NUFIP2: variants seen among roughly 807,000 people sequenced by gnomAD.
NUFIP2 encodes the protein nuclear FMR1 interacting protein 2.
A neutral mutation model predicts 56.9 loss-of-function variants in NUFIP2; 6 were observed. The ratio of observed to expected loss-of-function variants is 0.11; its 90% CI spans 0.06 to 0.21. The LOEUF is 0.21. Among genes scored for constraint, NUFIP2 ranks in the 10% least tolerant of loss-of-function variants. The probability of loss-of-function intolerance (pLI) is 1.00; values close to 1 mark genes in which losing one functional copy is unlikely to be tolerated. For missense variants in NUFIP2, 828 were observed against 826.8 expected (o/e 1.00, Z -0.02); for synonymous variants, 321 against 298.2 (o/e 1.08, Z -0.79).
At position 29,261,627 on chromosome 17, in the gene NUFIP2, C is replaced by A. The variant is rs1032724128; in HGVS notation, c.*2912G>T. On this transcript the variant is annotated 3_prime_UTR_variant, in exon 4 of 4. Transcript: ENST00000225388. ...TACACAAAATAATCAGAAAACAGAT[C>A]AACTCTTAAGATTTTTTTTTAATAA... is the stretch of plus-strand genomic sequence containing the variant. 1.3e-5 allele frequency: 2 copies of A among 152,434 alleles called. No homozygotes were observed. Among genetic ancestry groups the A allele is most frequent in the Admixed American group, 1.3e-4 (2 of 15,268 alleles). 9.4% of individuals were successfully genotyped at this position (152,434 alleles called of 1,614,324 possible). A position where few individuals can be genotyped will look rare whatever the true frequency, so the allele number is the denominator to read the frequency against.
intron 2 of NUFIP2, among the ~76,000 whole-genome samples, chr17:29,280,544 T>C (rs554463609): frequency 2.6e-5 from 4 of 151,928 alleles, no homozygotes; most frequent in African/African-American, 9.7e-5. Flanking sequence ...CCAGACAACA[T>C]GGGTGGTAGC....
chr17:29,282,028 C>T (rs144555464), intron 2 of NUFIP2, among the ~76,000 whole-genome samples: 414 of 151,948 alleles, frequency 2.7e-3, no homozygotes, highest in African/African-American at 9.4e-3. Context: ...TCCCAAAGTG[C>T]TGGGATTACA....
intron 2 of NUFIP2, among the ~76,000 whole-genome samples, chr17:29,284,671 ACTCCAGCC>A (rs1349798207): frequency 7.3e-6 from 1 of 136,400 alleles, no homozygotes. Flanking sequence ...GCGCCACTGC[ACTCCAGCC>A]TGGGTGACAA....
rs145854828 is a variant in NUFIP2 at position 29,280,080 on chromosome 17, C to T, written c.2002+5912G>A. Among the ~76,000 whole-genome samples the T allele has an allele frequency of 1.1e-3, 165 of 152,266 alleles. 1 individual carries two copies. The highest frequency in any genetic ancestry group is 9.3e-3 in the East Asian group (48 of 5,186). ...TGATCCACCCGCCTCAGCCTCCCAA[C>T]GTGCTGGGATTACAAGTGTGAGCCA... is the stretch of plus-strand genomic sequence containing the variant. On this transcript the variant is annotated intron_variant, in intron 2 of 3. Coordinates refer to ENST00000225388, the MANE Select transcript of NUFIP2 (RefSeq NM_020772.3).
chr17:29,263,274 C>T lies in NUFIP2; in HGVS notation c.*1265G>A, dbSNP rs1183636504. The stretch of plus-strand genomic sequence containing the variant: ...ACAGGATGGCAATGTAATGATAAGA[C>T]AGGGCTAATGCTCTTCTCTGCCCCA... On this transcript the variant is annotated 3_prime_UTR_variant, in exon 4 of 4. Coordinates refer to ENST00000225388, the MANE Select transcript of NUFIP2 (RefSeq NM_020772.3). 2 of 152,572 alleles carry T rather than the reference C, an allele frequency of 1.3e-5. No individual in the cohort carries two copies. The highest frequency in any genetic ancestry group is 3.9e-4 in the East Asian group (2 of 5,194). The allele number at this position is 152,572 out of a possible 1,614,324, so 9.5% of individuals were successfully genotyped here. A position where few individuals can be genotyped will look rare whatever the true frequency, so the allele number is the denominator to read the frequency against.
intron 2 of NUFIP2, among the ~76,000 whole-genome samples, chr17:29,275,982 T>A (rs2153011578): frequency 6.7e-6 from 1 of 150,262 alleles, no homozygotes. Flanking sequence ...GAGCCAAGAT[T>A]GCGCCACTGC....
intron 1 of NUFIP2, among the ~76,000 whole-genome samples, chr17:29,292,432 T>C (rs2069220496): frequency 7.1e-6 from 1 of 140,936 alleles, no homozygotes; most frequent in South Asian, 2.2e-4. Context: ...TTGTAGAAAA[T>C]GAGCTGCTAG....
chr17:29,290,750 T>G (rs1248799335), intron 1 of NUFIP2, among the ~76,000 whole-genome samples: 1 of 151,988 alleles, frequency 6.6e-6, no homozygotes, highest in African/African-American at 2.4e-5. Context: ...TAACTTTATC[T>G]CCTTACCTAA....
At chr17:29,267,888 C>T (rs925750150) in intron 2 of NUFIP2, among the ~76,000 whole-genome samples, 1 of 151,284 alleles carries the variant, frequency 6.6e-6, no homozygotes, top group African/African-American at 2.4e-5. Flanking sequence ...CAGGCGTGAG[C>T]CTGGATCCTG....
chr17:29,279,788 T>C lies in NUFIP2; in HGVS notation c.2002+6204A>G, dbSNP rs1049670356. ...CCTCACTTCAAAAATGCTAGGATTA[T>C]AGGCAAGAGCCACAGTACCCAGACT... is the stretch of plus-strand genomic sequence containing the variant. On this transcript the variant is annotated intron_variant, in intron 2 of 3. Transcript: ENST00000225388. Among the ~76,000 whole-genome samples, 4 of 152,182 alleles carry C rather than the reference T, an allele frequency of 2.6e-5. No individual in the cohort carries two copies. The South Asian group carries it at 8.3e-4, about 32-fold the overall frequency.
At chr17:29,269,744 C>T (rs2069060237) in intron 2 of NUFIP2, among the ~76,000 whole-genome samples, 1 of 148,448 alleles carries the variant, frequency 6.7e-6, no homozygotes, top group Non-Finnish European at 1.5e-5. Flanking sequence ...AAGTCTGGCA[C>T]TTTTTTTTTT....
intron 3 of NUFIP2, among the ~76,000 whole-genome samples, chr17:29,265,894 A>G (rs2069033317): frequency 6.6e-6 from 1 of 152,150 alleles, no homozygotes; most frequent in South Asian, 2.1e-4. Context: ...GAAATCTGCC[A>G]TGAAGAACAT....
intron 2 of NUFIP2, among the ~76,000 whole-genome samples, chr17:29,274,530 C>T (rs3867494): frequency 0.13 from 19,283 of 152,166 alleles, 1,389 homozygotes; most frequent in East Asian, 0.3. Context: ...TGTATATGTA[C>T]CATCTATGAC....
chr17:29,267,222 T>A (rs926271222), intron 3 of NUFIP2, among the ~76,000 whole-genome samples: 1 of 150,710 alleles, frequency 6.6e-6, no homozygotes, highest in African/African-American at 2.5e-5. Flanking sequence ...TTTTTTTTTT[T>A]TTAATTTAAA....
Position 29,290,651 on chromosome 17 carries a change from C to T in NUFIP2, c.278-2935G>A, listed in dbSNP as rs1284150372. Among the ~76,000 whole-genome samples the T allele has an allele frequency of 2.9e-5, 4 of 135,740 alleles. No homozygotes were observed. In the East Asian group the frequency reaches 8.6e-4, roughly 29 times the overall value. The allele number at this position is 135,740 out of a possible 152,430, so 89.1% of individuals were successfully genotyped here. The stretch of plus-strand genomic sequence containing the variant: ...CCTGGGCCACAGAGTAAGGCTGTGT[C>T]TCAAAAAAAAAAAAAAGAAAGAAAG... On this transcript the variant is annotated intron_variant, in intron 1 of 3. Coordinates refer to ENST00000225388, the MANE Select transcript of NUFIP2 (RefSeq NM_020772.3).
chr17:29,272,898 G>T (rs1350905072), intron 2 of NUFIP2, among the ~76,000 whole-genome samples: 2 of 150,634 alleles, frequency 1.3e-5, no homozygotes, highest in Admixed American at 6.6e-5. Flanking sequence ...CGCCCAGGCT[G>T]AAGAGCAGCA....
chr17:29,293,685 ACC>A, intron 1 of NUFIP2, 96 bp downstream of exon 1: 1 of 1,300,268 alleles, frequency 7.7e-7, no homozygotes, highest in Non-Finnish European at 1.0e-6. Flanking sequence ...ACACACACAC[ACC>A]CCGACCCCGT....
Position 29,294,140 on chromosome 17 carries a change from A to G in NUFIP2, c.-81T>C. 1 of 1,486,524 alleles carries G rather than the reference A, an allele frequency of 6.7e-7. No homozygotes were observed. The highest frequency in any genetic ancestry group is 1.4e-5 in the African/African-American group (1 of 71,624). 92.1% of individuals were successfully genotyped at this position (1,486,524 alleles called of 1,614,324 possible). A position where few individuals can be genotyped will look rare whatever the true frequency, so the allele number is the denominator to read the frequency against. ...TGAGACTGCTTCTCAGGGCTCACTCAGTATATCTGAGCGCGTCTCGCCAGC... is the reference window on the plus strand; with the variant it reads ...TGAGACTGCTTCTCAGGGCTCACTCGGTATATCTGAGCGCGTCTCGCCAGC... On this transcript the variant is annotated 5_prime_UTR_variant, in exon 1 of 4. Transcript: ENST00000225388.
At position 29,259,591 on chromosome 17, in the gene NUFIP2, G is replaced by A. The variant is rs1239911000; in HGVS notation, c.*4948C>T. 1.0e-3 allele frequency: 7 copies of A among 6,682 alleles called. No homozygotes were observed. The highest frequency in any genetic ancestry group is 2.2e-3 in the Non-Finnish European group (5 of 2,232). The allele number at this position is 6,682 out of a possible 1,614,324, so 0.4% of individuals were successfully genotyped here. A position where few individuals can be genotyped will look rare whatever the true frequency, so the allele number is the denominator to read the frequency against. ...AGTCCGTCTCAAAAAAAAAAAGGTGGGGGGGGGGGGGATACTGCAGTATTA... is the reference window on the plus strand; with the variant it reads ...AGTCCGTCTCAAAAAAAAAAAGGTGAGGGGGGGGGGGATACTGCAGTATTA... On this transcript the variant is annotated 3_prime_UTR_variant, in exon 4 of 4. Transcript: ENST00000225388.
Sources: allele counts gnomAD v4.1 joint callset (sites outside exome capture counted in the v4.1 genomes callset), GRCh38; gene constraint gnomAD v4.1.1; transcripts MANE v1.5; gene names NCBI Gene and HGNC (gene_info 2026-07-23, HGNC 2026-07-21).